Variants in SEMA3E observed in about 807,000 individuals in gnomAD.
The protein encoded by SEMA3E is semaphorin-3E.
Under a neutral mutation model 93.6 loss-of-function variants are expected in SEMA3E, and 49 were observed. The observed-to-expected ratio is 0.52, with a 90% CI of 0.42 to 0.66. The LOEUF is 0.66. Ranked by LOEUF, SEMA3E falls within the 30% of genes least tolerant of loss-of-function variation. The pLI is 0.00. For synonymous variants in SEMA3E, 363 were observed against 330.7 expected (o/e 1.10, Z -1.06); for missense variants, 906 against 964.8 (o/e 0.94, Z 0.81).
intron 2 of SEMA3E, among the ~76,000 whole-genome samples, chr7:83,482,564 C>CA (rs11429680): frequency 0.69 from 55,607 of 80,014 alleles, 19,515 homozygotes; most frequent in South Asian, 0.83. Flanking sequence ...CACTCCGTCT[C>CA]AAAAAAAAAA....
chr7:83,634,744 A>T (rs1203833260), intron 1 of SEMA3E, among the ~76,000 whole-genome samples: 2 of 152,058 alleles, frequency 1.3e-5, no homozygotes, highest in African/African-American at 4.8e-5. Context: ...ACAATATAAT[A>T]ATAAAATCAA....
intron 2 of SEMA3E, among the ~76,000 whole-genome samples, chr7:83,473,953 C>G (rs1004628300): frequency 6.6e-6 from 1 of 151,732 alleles, no homozygotes; most frequent in Non-Finnish European, 1.5e-5. Flanking sequence ...ACTAGCCAGG[C>G]GTGGTGGTGT....
chr7:83,394,373 A>G, intron 12 of SEMA3E, 35 bp from the exon 13 acceptor site: 1 of 1,556,870 alleles, frequency 6.4e-7, no homozygotes, highest in East Asian at 2.3e-5. Context: ...TTTTAAGAAA[A>G]CAGTATAAAA....
At chr7:83,405,175 G>A (rs776022593) in intron 9 of SEMA3E, among the ~76,000 whole-genome samples, 1 of 151,974 alleles carries the variant, frequency 6.6e-6, no homozygotes, top group Non-Finnish European at 1.5e-5. Context: ...AAATCACTGT[G>A]TTCTAGATTA....
chr7:83,411,939 GAAGA>G (rs1788446345), intron 5 of SEMA3E, among the ~76,000 whole-genome samples: 1 of 152,166 alleles, frequency 6.6e-6, no homozygotes, highest in Non-Finnish European at 1.5e-5. Flanking sequence ...TTTATATAGA[GAAGA>G]AAGAATAGTA....
chr7:83,622,874 G>A (rs1793594188), intron 1 of SEMA3E, among the ~76,000 whole-genome samples: 1 of 149,372 alleles, frequency 6.7e-6, no homozygotes, highest in South Asian at 2.1e-4. Flanking sequence ...ACAACTAATG[G>A]GTGCTGGGCT....
intron 1 of SEMA3E, among the ~76,000 whole-genome samples, chr7:83,500,208 C>T (rs907208933): frequency 2.0e-5 from 3 of 152,112 alleles, no homozygotes; most frequent in Non-Finnish European, 4.4e-5. Flanking sequence ...GAGGCCAAGG[C>T]GGGTGGATCA....
intron 16 of SEMA3E, among the ~76,000 whole-genome samples, chr7:83,378,649 G>T (rs1304675342): frequency 6.6e-6 from 1 of 151,756 alleles, no homozygotes; most frequent in African/African-American, 2.4e-5. Flanking sequence ...TTTATGCATT[G>T]TTCAAAGAAT....
rs2713147 is a variant in SEMA3E at position 83,418,125 on chromosome 7, C to A, written c.550+265G>T. On this transcript the variant is annotated intron_variant, in intron 5 of 16. Transcript: ENST00000643230. ...ATATAATTGCATTTTATAAGCATCA[C>A]ATGACACCAAATACATGAGATATTA... 0.53 allele frequency among the ~76,000 whole-genome samples: 81,201 copies of A among 151,944 alleles called. 23,479 individuals carry two copies. The highest frequency in any genetic ancestry group is 0.84 in the East Asian group (4,355 of 5,180).
At chr7:83,371,183 T>C (rs903213482) in intron 16 of SEMA3E, among the ~76,000 whole-genome samples, 2 of 152,224 alleles carry the variant, frequency 1.3e-5, no homozygotes, top group Non-Finnish European at 1.5e-5. Flanking sequence ...TTTATGTTTA[T>C]CATAGATTCT....
At chr7:83,461,454 C>T (rs1415565409) in intron 4 of SEMA3E, among the ~76,000 whole-genome samples, 2 of 152,172 alleles carry the variant, frequency 1.3e-5, no homozygotes, top group Admixed American at 6.5e-5. Context: ...CTTACAGTTT[C>T]GTTCAGTGAC....
chr7:83,524,076 CCAA>C (rs1184547362), intron 1 of SEMA3E, among the ~76,000 whole-genome samples: 2 of 152,000 alleles, frequency 1.3e-5, no homozygotes, highest in African/African-American at 4.8e-5. Flanking sequence ...ACAATATAAA[CCAA>C]CAAGATTACC....
intron 16 of SEMA3E, among the ~76,000 whole-genome samples, chr7:83,379,285 A>G (rs1787728195): frequency 6.6e-6 from 1 of 151,464 alleles, no homozygotes; most frequent in African/African-American, 2.4e-5. Context: ...AAAATTACCT[A>G]TTGGGTATAA....
intron 16 of SEMA3E, chr7:83,371,368 T>A (rs532382259): frequency 6.6e-6 from 1 of 152,330 alleles, no homozygotes. Context: ...TCACATGGTA[T>A]AGCTACAGGC....
At chr7:83,547,503 T>TTA (rs1365321710) in intron 1 of SEMA3E, among the ~76,000 whole-genome samples, 1 of 152,156 alleles carries the variant, frequency 6.6e-6, no homozygotes, top group Non-Finnish European at 1.5e-5. Flanking sequence ...ATGGAATCAC[T>TTA]TATTCTGCCA....
chr7:83,459,199 A>G (rs956243165), intron 4 of SEMA3E, among the ~76,000 whole-genome samples: 2 of 152,018 alleles, frequency 1.3e-5, no homozygotes, highest in African/African-American at 2.4e-5. Context: ...AAATCTTAAA[A>G]GATAAAGCAA....
chr7:83,567,598 A>G (rs1180765926), intron 1 of SEMA3E, among the ~76,000 whole-genome samples: 1 of 152,180 alleles, frequency 6.6e-6, no homozygotes, highest in East Asian at 1.9e-4. Context: ...GTCAGTAACA[A>G]GAAGAACTTT....
At chr7:83,546,865 T>C (rs1178452623) in intron 1 of SEMA3E, among the ~76,000 whole-genome samples, 2 of 152,100 alleles carry the variant, frequency 1.3e-5, no homozygotes, top group East Asian at 3.8e-4. Flanking sequence ...GAAGTAAATG[T>C]TACCAAATCC....
At chr7:83,472,452 C>T (rs944778415) in intron 2 of SEMA3E, among the ~76,000 whole-genome samples, 1 of 152,046 alleles carries the variant, frequency 6.6e-6, no homozygotes, top group African/African-American at 2.4e-5. Context: ...GGTCAGTTCC[C>T]AAATGTTTTT....
Sources: gnomAD v4.1 joint callset for allele counts (sites outside exome capture counted in the v4.1 genomes callset) on GRCh38, gnomAD v4.1.1 for gene constraint, MANE v1.5 for transcripts, NCBI Gene and HGNC (gene_info 2026-07-23, HGNC 2026-07-21) for gene names.